Variants in ENTREP2 observed in about 807,000 individuals in gnomAD.
The protein encoded by ENTREP2 is protein ENTREP2.
chr15:29,377,683 G>A, the ENTREP2 span, among the ~76,000 whole-genome samples: 3 of 151,810 alleles, frequency 2.0e-5, no homozygotes, highest in Non-Finnish European at 4.4e-5. Context: ...TTAGCTGGGC[G>A]TGGTGCGCAC....
the ENTREP2 span, among the ~76,000 whole-genome samples, chr15:29,436,603 C>A: frequency 6.6e-6 from 1 of 152,134 alleles, no homozygotes; most frequent in South Asian, 2.1e-4. Flanking sequence ...TAACAGCCTA[C>A]AAAAATCATC....
At chr15:29,632,398 AT>A in the ENTREP2 span, among the ~76,000 whole-genome samples, 2 of 152,080 alleles carry the variant, frequency 1.3e-5, no homozygotes, top group African/African-American at 4.8e-5. Context: ...AAACTCCTGG[AT>A]TTTTTTCCTC....
chr15:29,289,771 G>A, the ENTREP2 span, among the ~76,000 whole-genome samples: 1 of 151,818 alleles, frequency 6.6e-6, no homozygotes, highest in Non-Finnish European at 1.5e-5. Context: ...ACTGGAATCC[G>A]GGAGGTGGAG....
chr15:29,163,946 T>A, the ENTREP2 span, among the ~76,000 whole-genome samples: 1,394 of 152,290 alleles, frequency 9.2e-3, 20 homozygotes, highest in African/African-American at 0.031. Flanking sequence ...AAAGAAAACC[T>A]ATCAGATTAA....
At chr15:29,455,791 G>A in the ENTREP2 span, among the ~76,000 whole-genome samples, 1 of 152,162 alleles carries the variant, frequency 6.6e-6, no homozygotes, top group Non-Finnish European at 1.5e-5. Flanking sequence ...GTTACCACCT[G>A]AGCTTTGCCT....
the ENTREP2 span, among the ~76,000 whole-genome samples, chr15:29,502,938 G>T: frequency 6.9e-3 from 1,038 of 150,698 alleles, 7 homozygotes; most frequent in African/African-American, 0.025. Context: ...CTAGAATAAA[G>T]GGGGAAAAAA....
chr15:29,272,913 G>A, the ENTREP2 span, among the ~76,000 whole-genome samples: 1 of 152,160 alleles, frequency 6.6e-6, no homozygotes, highest in African/African-American at 2.4e-5. Flanking sequence ...ATGGTTGGTG[G>A]TCTTTTACCA....
At chr15:29,298,203 G>GA in the ENTREP2 span, among the ~76,000 whole-genome samples, 1 of 152,132 alleles carries the variant, frequency 6.6e-6, no homozygotes, top group Admixed American at 6.5e-5. Context: ...AATTTGAACG[G>GA]AATGATATTA....
At chr15:29,428,317 G>A in the ENTREP2 span, among the ~76,000 whole-genome samples, 1 of 152,140 alleles carries the variant, frequency 6.6e-6, no homozygotes, top group Admixed American at 6.5e-5. Flanking sequence ...GGGTTCAAGC[G>A]ATTCTCCTGC....
the ENTREP2 span, among the ~76,000 whole-genome samples, chr15:29,424,028 G>A: frequency 3.9e-5 from 6 of 152,214 alleles, no homozygotes; most frequent in East Asian, 1.2e-3. Flanking sequence ...GAGTGTCACA[G>A]CTCTTAAAGA....
chr15:29,548,560 T>G, the ENTREP2 span, among the ~76,000 whole-genome samples: 4 of 151,816 alleles, frequency 2.6e-5, no homozygotes, highest in African/African-American at 9.7e-5. Flanking sequence ...TGAAAAATAC[T>G]GAATATACTG....
the ENTREP2 span, among the ~76,000 whole-genome samples, chr15:29,604,257 T>C: frequency 6.6e-6 from 1 of 152,224 alleles, no homozygotes; most frequent in Non-Finnish European, 1.5e-5. Context: ...GCCTATCAGA[T>C]GGCCACAAGA....
chr15:29,396,903 G>A, the ENTREP2 span, among the ~76,000 whole-genome samples: 3 of 152,042 alleles, frequency 2.0e-5, no homozygotes, highest in Non-Finnish European at 4.4e-5. Flanking sequence ...AACTGATGGG[G>A]GAAAAGGCTA....
the ENTREP2 span, among the ~76,000 whole-genome samples, chr15:29,436,962 C>G: frequency 6.6e-6 from 1 of 152,222 alleles, no homozygotes; most frequent in Non-Finnish European, 1.5e-5. Flanking sequence ...TCCAAGAACT[C>G]AGAAGGCCCA....
At chr15:29,349,250 AT>A in the ENTREP2 span, among the ~76,000 whole-genome samples, 3 of 152,236 alleles carry the variant, frequency 2.0e-5, no homozygotes, top group African/African-American at 4.8e-5. Flanking sequence ...ATTAAAAAAA[AT>A]AAAATGAGAA....
the ENTREP2 span, among the ~76,000 whole-genome samples, chr15:29,473,937 G>A: frequency 3.9e-5 from 6 of 152,164 alleles, no homozygotes; most frequent in Non-Finnish European, 8.8e-5. Context: ...CGTGGGCCAC[G>A]GCAGTCCGGA....
the ENTREP2 span, among the ~76,000 whole-genome samples, chr15:29,575,867 G>A: frequency 1.3e-5 from 2 of 152,144 alleles, no homozygotes; most frequent in African/African-American, 4.8e-5. Flanking sequence ...GAAAAGACTT[G>A]CTATGTTCAT....
At chr15:29,268,759 C>T in the ENTREP2 span, 1 of 1,569,824 alleles carries the variant, frequency 6.4e-7, no homozygotes, top group Non-Finnish European at 8.6e-7. Flanking sequence ...GGTCTCAGAC[C>T]CTTGTCCCGG....
At chr15:29,475,916 G>C in the ENTREP2 span, among the ~76,000 whole-genome samples, 2 of 152,194 alleles carry the variant, frequency 1.3e-5, no homozygotes. Flanking sequence ...CAAGTGGTTG[G>C]CATCTGTATC....
Sources: allele counts gnomAD v4.1 joint callset (sites outside exome capture counted in the v4.1 genomes callset), GRCh38; gene constraint gnomAD v4.1.1; transcripts MANE v1.5; gene names NCBI Gene and HGNC (gene_info 2026-07-23, HGNC 2026-07-21).